Variants in TXNRD1 observed in about 807,000 individuals in gnomAD.
TXNRD1 encodes the protein thioredoxin reductase 1.
A neutral mutation model predicts 80.3 loss-of-function variants in TXNRD1; 57 were observed. The observed-to-expected ratio is 0.71, with a 90% CI of 0.57 to 0.89. TXNRD1 has a LOEUF of 0.89. Ranked by LOEUF, TXNRD1 falls within the 40% of genes least tolerant of loss-of-function variation. TXNRD1 has a pLI of 0.00. For synonymous variants in TXNRD1, 291 were observed against 285.2 expected (o/e 1.02, Z -0.20); for missense variants, 730 against 803.0 (o/e 0.91, Z 1.10).
At chr12:104,240,151 A>G (rs1473728122) in intron 1 of TXNRD1, among the ~76,000 whole-genome samples, 2 of 152,162 alleles carry the variant, frequency 1.3e-5, no homozygotes, top group Non-Finnish European at 1.5e-5. Context: ...ACAAGATTGT[A>G]TAGATTGGTA....
intron 10 of TXNRD1, among the ~76,000 whole-genome samples, chr12:104,324,444 C>T (rs1333570017): frequency 2.0e-5 from 3 of 150,926 alleles, no homozygotes; most frequent in Non-Finnish European, 2.9e-5. Flanking sequence ...CTCCGCCTCC[C>T]GGGTTCACGC....
intron 3 of TXNRD1, among the ~76,000 whole-genome samples, chr12:104,288,331 A>G (rs1273318061): frequency 2.0e-5 from 3 of 152,164 alleles, no homozygotes; most frequent in East Asian, 1.9e-4. Context: ...TGGAATCTGT[A>G]TGTTCCACTG....
At chr12:104,254,403 G>A (rs183891081) in intron 2 of TXNRD1, among the ~76,000 whole-genome samples, 7 of 151,844 alleles carry the variant, frequency 4.6e-5, no homozygotes, top group Admixed American at 1.3e-4. Flanking sequence ...ATAATGCTAA[G>A]TACAATTAAT....
At chr12:104,266,939 G>A (rs1236444739) in intron 3 of TXNRD1, among the ~76,000 whole-genome samples, 7 of 151,996 alleles carry the variant, frequency 4.6e-5, no homozygotes, top group African/African-American at 1.7e-4. Context: ...TCCAGCCCAG[G>A]CGACAGAGCG....
intron 1 of TXNRD1, among the ~76,000 whole-genome samples, chr12:104,220,273 C>T (rs921173952): frequency 1.3e-5 from 2 of 152,084 alleles, no homozygotes; most frequent in African/African-American, 4.8e-5. Context: ...TAGTATTACA[C>T]GATGCGCTAG....
chr12:104,254,644 A>AAAATATATATATATATAT, intron 2 of TXNRD1, among the ~76,000 whole-genome samples: 8 of 93,634 alleles, frequency 8.5e-5, no homozygotes, highest in African/African-American at 3.6e-4. Context: ...AAAAAAAAAA[A>AAAATATATATATATATAT]ATATATATAT....
intron 3 of TXNRD1, chr12:104,282,850 C>T (rs529880071): frequency 2.0e-5 from 3 of 152,366 alleles, no homozygotes; most frequent in Admixed American, 6.5e-5. Context: ...GGTACCACCA[C>T]ACCTGGCTGA....
chr12:104,249,512 T>C (rs532425158), intron 1 of TXNRD1, among the ~76,000 whole-genome samples: 47 of 152,382 alleles, frequency 3.1e-4, no homozygotes, highest in African/African-American at 1.0e-3. Flanking sequence ...TCTTGGTTGT[T>C]GACCCTGTCT....
At chr12:104,304,919 ACATACTCCT>A (rs1470492012) in intron 4 of TXNRD1, 6 of 1,605,232 alleles carry the variant, frequency 3.7e-6, no homozygotes, top group South Asian at 1.1e-5. Flanking sequence ...GGCTATGATT[ACATACTCCT>A]CATACTAAAG....
intron 3 of TXNRD1, among the ~76,000 whole-genome samples, chr12:104,263,738 G>A (rs1283340087): frequency 6.6e-6 from 1 of 152,178 alleles, no homozygotes; most frequent in Non-Finnish European, 1.5e-5. Flanking sequence ...GATGCCACAT[G>A]TCACTAGCTT....
At chr12:104,287,277 T>C (rs2034002061) in intron 3 of TXNRD1, 2 of 1,613,924 alleles carry the variant, frequency 1.2e-6, no homozygotes, top group Non-Finnish European at 1.7e-6. Context: ...GGGAGGCTTT[T>C]CCAAACCCAG....
At chr12:104,228,114 CCAACA>C (rs1326580640) in intron 1 of TXNRD1, among the ~76,000 whole-genome samples, 2 of 152,026 alleles carry the variant, frequency 1.3e-5, no homozygotes, top group Non-Finnish European at 2.9e-5. Context: ...ACCAGTCTGA[CCAACA>C]TGGAGAAACC....
chr12:104,251,650 G>A lies in TXNRD1; in HGVS notation c.215G>A (p.Ser72Asn), dbSNP rs772519302. Residue 72 changes from serine to asparagine, a missense_variant, in exon 2 of 17, where the codon AGT (serine) becomes AAT (asparagine). By Grantham distance (46) the Ser-to-Asn change is conservative (BLOSUM62 1). Transcript: ENST00000525566. ...GATGGTCACTCTGTGGTCATCTTCA[G>A]TAGGTCCACATGCACACGCTGTACT... Reference protein sequence around the residue: ...YIDGHSVVIFSRSTCTRCTEV... With the variant: ...YIDGHSVVIFNRSTCTRCTEV... The A allele has an allele frequency of 3.0e-5, 49 of 1,613,856 alleles. No homozygotes were observed. Among genetic ancestry groups the A allele is most frequent in the Non-Finnish European group, 3.7e-5 (44 of 1,179,876 alleles).
At chr12:104,254,644 A>AAAAAAAAAAAAAAAAATATATAT in intron 2 of TXNRD1, among the ~76,000 whole-genome samples, 5 of 93,646 alleles carry the variant, frequency 5.3e-5, no homozygotes, top group South Asian at 3.5e-4. Flanking sequence ...AAAAAAAAAA[A>AAAAAAAAAAAAAAAAATATATAT]ATATATATAT....
At chr12:104,332,380 A>G (rs1333132142) in intron 14 of TXNRD1, among the ~76,000 whole-genome samples, 2 of 152,178 alleles carry the variant, frequency 1.3e-5, no homozygotes, top group Non-Finnish European at 2.9e-5. Context: ...CTTTTTCTTT[A>G]TTACATGCAC....
intron 2 of TXNRD1, among the ~76,000 whole-genome samples, chr12:104,252,690 A>ATTTTTTT (rs869239974): frequency 5.0e-5 from 2 of 39,658 alleles, no homozygotes; most frequent in African/African-American, 2.3e-4. Context: ...ATATATATAT[A>ATTTTTTT]TTTTTTTTTT....
At chr12:104,325,577 A>G (rs1669642552) in intron 11 of TXNRD1, 148 bp downstream of exon 11, 6 of 662,020 alleles carry the variant, frequency 9.1e-6, no homozygotes, top group Non-Finnish European at 1.6e-5. Flanking sequence ...TTATGATATT[A>G]AAATTTGTTT....
intron 3 of TXNRD1, among the ~76,000 whole-genome samples, chr12:104,273,421 C>T (rs78444747): frequency 0.012 from 1,785 of 152,134 alleles, 36 homozygotes; most frequent in African/African-American, 0.04. Flanking sequence ...AGTGAAACCC[C>T]GTCTGTAATA....
intron 15 of TXNRD1, among the ~76,000 whole-genome samples, chr12:104,338,074 G>A (rs1008620937): frequency 9.3e-5 from 14 of 151,010 alleles, no homozygotes; most frequent in Non-Finnish European, 1.5e-5. Flanking sequence ...GGGATTACAG[G>A]CTTGAGCTAT....
Sources: gnomAD v4.1 joint callset for allele counts (sites outside exome capture counted in the v4.1 genomes callset) on GRCh38, gnomAD v4.1.1 for gene constraint, MANE v1.5 for transcripts, NCBI Gene and HGNC (gene_info 2026-07-23, HGNC 2026-07-21) for gene names.